The following NXPE2 variants were observed in gnomAD, a reference collection of about 807,000 sequenced individuals.
NXPE2 encodes the protein neurexophilin and PC-esterase domain family member 2, also known as NXPE family member 2.
NXPE2 carries 34 observed loss-of-function variants against 34.4 expected under a neutral mutation model. The ratio of observed to expected loss-of-function variants is 0.99; its 90% CI spans 0.75 to 1.31. The LOEUF (loss-of-function observed/expected upper bound fraction) is 1.31, where lower values mean the gene tolerates loss of function less well. Ranked by LOEUF, NXPE2 falls within the 40% of genes most tolerant of loss-of-function variation. The probability of loss-of-function intolerance (pLI) is 0.00; values close to 1 mark genes in which losing one functional copy is unlikely to be tolerated. For synonymous variants in NXPE2, 235 were observed against 231.3 expected (o/e 1.02, Z -0.15); for missense variants, 649 against 672.5 (o/e 0.97, Z 0.39).
At chr11:114,762,794 T>C in the NXPE2 span, among the ~76,000 whole-genome samples, 1 of 152,154 alleles carries the variant, frequency 6.6e-6, no homozygotes, top group African/African-American at 2.4e-5. Flanking sequence ...CTCCTCTGCC[T>C]CAACAAATGG....
the NXPE2 span, among the ~76,000 whole-genome samples, chr11:114,639,304 C>T: frequency 2.0e-5 from 3 of 151,404 alleles, no homozygotes; most frequent in Non-Finnish European, 4.4e-5. Context: ...GTGCACCGTT[C>T]CTTAAGCCCG....
chr11:114,631,512 G>C, the NXPE2 span, among the ~76,000 whole-genome samples: 1 of 129,378 alleles, frequency 7.7e-6, no homozygotes. Flanking sequence ...ATAACACTCT[G>C]GGGACTGTTG....
At chr11:114,615,018 G>A in the NXPE2 span, among the ~76,000 whole-genome samples, 7,423 of 150,448 alleles carry the variant, frequency 0.049, 604 homozygotes, top group African/African-American at 0.17. Flanking sequence ...GTGTTTCCTC[G>A]TGGGTAACCA....
the NXPE2 span, among the ~76,000 whole-genome samples, chr11:114,495,763 G>A: frequency 9.9e-5 from 15 of 152,002 alleles, no homozygotes; most frequent in Admixed American, 3.9e-4. Context: ...TCACTTTAAC[G>A]CAAGGGGTTC....
the NXPE2 span, among the ~76,000 whole-genome samples, chr11:114,602,469 T>A: frequency 1.5e-5 from 2 of 135,526 alleles, no homozygotes; most frequent in African/African-American, 5.3e-5. Flanking sequence ...AATATATAAA[T>A]TATAGATTAT....
At chr11:114,558,630 G>T in the NXPE2 span, among the ~76,000 whole-genome samples, 2 of 152,084 alleles carry the variant, frequency 1.3e-5, no homozygotes, top group Non-Finnish European at 2.9e-5. Flanking sequence ...TATTACATTC[G>T]TATATTTTCT....
chr11:114,776,387 G>A, the NXPE2 span, among the ~76,000 whole-genome samples: 10 of 152,240 alleles, frequency 6.6e-5, no homozygotes, highest in African/African-American at 2.2e-4. Context: ...TCCCATCTGC[G>A]GCTGATAACA....
the NXPE2 span, among the ~76,000 whole-genome samples, chr11:114,730,326 G>A: frequency 9.2e-3 from 1,399 of 152,060 alleles, 22 homozygotes; most frequent in African/African-American, 0.031. Flanking sequence ...GTTGGAAGTC[G>A]GGTAATGTGA....
chr11:114,655,658 G>A, the NXPE2 span, among the ~76,000 whole-genome samples: 1 of 152,076 alleles, frequency 6.6e-6, no homozygotes, highest in African/African-American at 2.4e-5. Flanking sequence ...TATTTCTGAG[G>A]CCTCTGTTCT....
chr11:114,682,827 C>A lies in NXPE2; in HGVS notation c.132+3065C>A, dbSNP rs377579360. On this transcript the variant is annotated intron_variant, in intron 2 of 5. Coordinates refer to ENST00000389586, the MANE Select transcript of NXPE2 (RefSeq NM_182495.6). ...AGAAAACATTGCTAGCATAAGGCCA[C>A]AAGAAACAGAACCTGAGGAGGAAAA... Among the ~76,000 whole-genome samples, 18 of 147,338 alleles carry A rather than the reference C, an allele frequency of 1.2e-4. 1 individual carries two copies. The highest frequency in any genetic ancestry group is 4.5e-4 in the African/African-American group (18 of 39,972).
chr11:114,530,733 A>C, the NXPE2 span: 15 of 1,614,056 alleles, frequency 9.3e-6, no homozygotes, highest in African/African-American at 5.3e-5. Context: ...GGTGGTGTTC[A>C]CATGGGTGAA....
the NXPE2 span, among the ~76,000 whole-genome samples, chr11:114,749,630 G>A: frequency 2.3e-3 from 355 of 152,244 alleles, no homozygotes; most frequent in Non-Finnish European, 3.2e-3. Flanking sequence ...TTTTTGTAAT[G>A]CCTTTCTCTG....
At chr11:114,560,278 T>TTC in the NXPE2 span, among the ~76,000 whole-genome samples, 1 of 150,724 alleles carries the variant, frequency 6.6e-6, no homozygotes, top group African/African-American at 2.4e-5. Context: ...TTTTTCTTTT[T>TTC]TTTTTTTTTT....
At chr11:114,741,985 C>G in the NXPE2 span, among the ~76,000 whole-genome samples, 1 of 152,116 alleles carries the variant, frequency 6.6e-6, no homozygotes, top group African/African-American at 2.4e-5. Flanking sequence ...ATCAGCCCAA[C>G]TAGGGATTTT....
chr11:114,485,990 T>G, the NXPE2 span, among the ~76,000 whole-genome samples: 1 of 152,182 alleles, frequency 6.6e-6, no homozygotes, highest in East Asian at 1.9e-4. Flanking sequence ...CTGATTTCCA[T>G]TTTTGGGGGT....
the NXPE2 span, among the ~76,000 whole-genome samples, chr11:114,626,709 T>C: frequency 6.6e-6 from 1 of 151,974 alleles, no homozygotes; most frequent in Non-Finnish European, 1.5e-5. Context: ...CTTCAGACAA[T>C]CAAATTATTC....
chr11:114,614,996 G>A, the NXPE2 span, among the ~76,000 whole-genome samples: 21,466 of 150,344 alleles, frequency 0.14, 1,888 homozygotes, highest in East Asian at 0.37. Flanking sequence ...ACTGTTACCC[G>A]GTTTATAATA....
chr11:114,615,138 T>G, the NXPE2 span, among the ~76,000 whole-genome samples: 1 of 151,974 alleles, frequency 6.6e-6, no homozygotes. Flanking sequence ...TAATAAGTGT[T>G]ACCTTGTGTG....
chr11:114,706,856 T>C lies in NXPE2; in HGVS notation c.1606T>C (p.Cys536Arg). 6.4e-7 allele frequency: 1 copy of C among 1,552,100 alleles called. No homozygotes were observed. Among genetic ancestry groups the C allele is most frequent in the Non-Finnish European group, 8.7e-7 (1 of 1,146,968 alleles). Residue 536 changes from cysteine (C) to arginine (R), a missense_variant, in exon 6 of 6, where the codon TGC becomes CGC. Coordinates refer to ENST00000389586, the MANE Select transcript of NXPE2 (RefSeq NM_182495.6). ...TGCCTGGGACATGACGATTGCATAT[T>C]GCACCAACAATGCCCATCCACCGGA... ...IDAWDMTIAY[C>R]TNNAHPPDYV...
Sources: allele counts gnomAD v4.1 joint callset (sites outside exome capture counted in the v4.1 genomes callset), GRCh38; gene constraint gnomAD v4.1.1; transcripts MANE v1.5; gene names NCBI Gene and HGNC (gene_info 2026-07-23, HGNC 2026-07-21).